Variants in SELENOO observed in about 807,000 individuals in gnomAD.
The protein encoded by SELENOO is selenoprotein O.
SELENOO carries 74 observed loss-of-function variants against 58.7 expected under a neutral mutation model. That is an observed-to-expected ratio of 1.26 (90% confidence interval 1.04 to 1.53). The LOEUF is 1.53. Ranked by LOEUF, SELENOO falls within the 40% of genes most tolerant of loss-of-function variation. SELENOO has a pLI of 0.00. For missense variants in SELENOO, 1,149 were observed against 970.0 expected (o/e 1.18, Z -2.45); for synonymous variants, 543 against 453.2 (o/e 1.20, Z -2.52).
Position 50,210,201 on chromosome 22 carries a change from G to A in SELENOO, c.960G>A (p.Arg320=). 1 of 1,613,428 alleles carries A rather than the reference G, an allele frequency of 6.2e-7. No individual in the cohort carries two copies. Among genetic ancestry groups the A allele is most frequent in the Non-Finnish European group, 8.5e-7 (1 of 1,179,960 alleles). The change falls in exon 4 of 9, where the codon CGG becomes CGA. Residue 320 remains arginine, a synonymous_variant. Transcript: ENST00000380903. ...FFREVTRRTA[R]MVAEWQCVGF... ...CCCAGGTGACGCGGCGCACGGCGCG[G>A]ATGGTGGCCGAGTGGCAGTGTGTGG...
chr22:50,201,655 C>G, intron 1 of SELENOO, 65 bp downstream of exon 1: 1 of 1,161,454 alleles, frequency 8.6e-7, no homozygotes, highest in Non-Finnish European at 1.1e-6. Context: ...TCCCTCCGCC[C>G]GGCGCGGTGT....
intron 2 of SELENOO, among the ~76,000 whole-genome samples, 157 bp downstream of exon 2, chr22:50,206,677 C>G (rs573359632): frequency 8.5e-5 from 13 of 152,346 alleles, no homozygotes; most frequent in Non-Finnish European, 1.8e-4. Context: ...CAGAAGCTGC[C>G]TGTCCGCGAA....
intron 2 of SELENOO, among the ~76,000 whole-genome samples, 183 bp downstream of exon 2, chr22:50,206,703 C>T (rs2064335347): frequency 6.6e-6 from 1 of 152,222 alleles, no homozygotes; most frequent in South Asian, 2.1e-4. Context: ...TGCGTCACGC[C>T]CACTGGGAGG....
At chr22:50,210,051 T>G in intron 3 of SELENOO, 130 bp from the exon 4 acceptor site, 1 of 1,088,300 alleles carries the variant, frequency 9.2e-7, no homozygotes, top group Non-Finnish European at 1.3e-6. Context: ...ATCAGGAAGA[T>G]CGCCCAGAAA....
Position 50,210,171 on chromosome 22 carries a change from C to T in SELENOO, c.940-10C>T, listed in dbSNP as rs1414216281. 13 of 1,612,012 alleles carry T rather than the reference C, an allele frequency of 8.1e-6. No homozygotes were observed. The African/African-American group carries it at 1.1e-4, about 13-fold the overall frequency. ...CCCGAGGAGGGAGCAAGCACACTGT[C>T]CCACCCCAGGTGACGCGGCGCACGG... On this transcript the variant is annotated splice_polypyrimidine_tract_variant and intron_variant, in intron 3 of 8. Coordinates refer to ENST00000380903, the MANE Select transcript of SELENOO (RefSeq NM_031454.2).
chr22:50,208,442 A>AT (rs2064346496), intron 2 of SELENOO, 94 bp from the exon 3 acceptor site: 3 of 1,245,450 alleles, frequency 2.4e-6, no homozygotes, highest in Non-Finnish European at 3.3e-6. Context: ...AAAAAAAAAA[A>AT]AAAATAGCCA....
At chr22:50,215,598 A>T in intron 5 of SELENOO, 119 bp from the exon 6 acceptor site, 1 of 645,116 alleles carries the variant, frequency 1.6e-6, no homozygotes, top group Non-Finnish European at 2.4e-6. Flanking sequence ...GTGGTGGAGC[A>T]TGTGGGTGGG....
At chr22:50,210,043 C>T (rs1002852824) in intron 3 of SELENOO, 138 bp from the exon 4 acceptor site, 2 of 1,000,086 alleles carry the variant, frequency 2.0e-6, no homozygotes, top group African/African-American at 1.6e-5. Context: ...GACAGGACAT[C>T]AGGAAGATCG....
rs776782428 is a variant in SELENOO at position 50,215,722 on chromosome 22, G to A, written c.1357G>A (p.Asp453Asn). 53 of 1,590,446 alleles carry A rather than the reference G, an allele frequency of 3.3e-5. No homozygotes were observed. Among genetic ancestry groups the A allele is most frequent in the South Asian group, 1.4e-4 (13 of 90,196 alleles). Residue 453 changes from aspartate to asparagine, a missense_variant, in exon 6 of 9, where the codon GAC (aspartate) becomes AAC (asparagine). Coordinates refer to ENST00000380903, the MANE Select transcript of SELENOO (RefSeq NM_031454.2). ...CTGAGCAGCCTGTGTTCCAGGTGCCGACTTCACAAACACCTTCTACTTGCT... is the reference window on the plus strand; with the variant it reads ...CTGAGCAGCCTGTGTTCCAGGTGCCAACTTCACAAACACCTTCTACTTGCT... ...LLETMHLTGA[D>N]FTNTFYLLSS... is the part of the protein sequence containing the mutation.
chr22:50,211,290 G>A (rs1029472702), intron 5 of SELENOO, among the ~76,000 whole-genome samples: 5 of 152,170 alleles, frequency 3.3e-5, no homozygotes, highest in Admixed American at 6.5e-5. Flanking sequence ...ACGGTGCACT[G>A]TGTGTTGTGT....
In SELENOO at chr22:50,208,299, G is replaced by A. The variant is rs186123742; in HGVS notation, c.759-237G>A. 5.3e-3 allele frequency among the ~76,000 whole-genome samples: 800 copies of A among 152,078 alleles called. 7 individuals are homozygous for A. Among genetic ancestry groups the A allele is most frequent in the African/African-American group, 0.014 (581 of 41,482 alleles). ...ACAAAAATTAGCTGGGCGTGGTGGC[G>A]TGTGCCTGTAATCCCAGCTACTCGG... On this transcript the variant is annotated intron_variant, in intron 2 of 8. Coordinates refer to ENST00000380903, the MANE Select transcript of SELENOO (RefSeq NM_031454.2).
intron 2 of SELENOO, among the ~76,000 whole-genome samples, chr22:50,206,905 G>T (rs568645573): frequency 2.1e-4 from 32 of 152,246 alleles, no homozygotes; most frequent in East Asian, 5.8e-4. Context: ...GGGGGAGGGG[G>T]TCCCTGAGCC....
At chr22:50,209,506 C>A (rs962955356) in intron 3 of SELENOO, 1 of 152,648 alleles carries the variant, frequency 6.6e-6, no homozygotes, top group Non-Finnish European at 1.5e-5. Flanking sequence ...CGGGAGGAGC[C>A]GCTGGGGCAG....
At chr22:50,204,988 CAG>C (rs772223112) in intron 1 of SELENOO, among the ~76,000 whole-genome samples, 3 of 152,212 alleles carry the variant, frequency 2.0e-5, no homozygotes, top group Non-Finnish European at 4.4e-5. Flanking sequence ...AAGCTGGTCA[CAG>C]AGAGACAAAT....
intron 6 of SELENOO, 144 bp downstream of exon 6, chr22:50,216,011 T>A: frequency 1.5e-6 from 1 of 671,252 alleles, no homozygotes; most frequent in Non-Finnish European, 2.5e-6. Flanking sequence ...CAGTCAGGGC[T>A]TCAGGGCATC....
rs2064432230 is a variant in SELENOO at position 50,217,525 on chromosome 22, C to G, written c.*156C>G. ...GATGGCAGAGACATCCAGTCAGGAC[C>G]TGACCCGTCTCTGTCTGAGGCCGGC... is the stretch of plus-strand genomic sequence containing the variant. On this transcript the variant is annotated 3_prime_UTR_variant, in exon 9 of 9. Transcript: ENST00000380903. The G allele has an allele frequency of 9.3e-7, 1 of 1,077,342 alleles. No homozygotes were observed. The allele number at this position is 1,077,342 out of a possible 1,614,324, so 66.7% of individuals were successfully genotyped here.
chr22:50,201,391 G>T lies in SELENOO; in HGVS notation c.355G>T (p.Glu119Ter). ...GCCGCCCGCGCGCGAGGCCGAGGCC[G>T]AGGCCGCGCTGTTCTTCAGCGGCAA... ...GAPPAREAEA[E>*]AALFFSGNAL... The change falls in exon 1 of 9, where the codon GAG (glutamate) becomes TAG (stop). Residue 119 changes from glutamate to a stop codon, truncating the protein, a stop_gained. Transcript: ENST00000380903. LOFTEE classifies it high-confidence loss of function. 1 of 1,279,162 alleles carries T rather than the reference G, an allele frequency of 7.8e-7. No homozygotes were observed. The highest frequency in any genetic ancestry group is 9.9e-7 in the Non-Finnish European group (1 of 1,010,640). The allele number at this position is 1,279,162 out of a possible 1,614,324, so 79.2% of individuals were successfully genotyped here.
intron 2 of SELENOO, among the ~76,000 whole-genome samples, chr22:50,207,642 A>G (rs776038539): frequency 6.0e-5 from 9 of 150,610 alleles, no homozygotes; most frequent in Non-Finnish European, 1.0e-4. Context: ...CCCAGCGGCA[A>G]TGCTGGCATT....
intron 1 of SELENOO, among the ~76,000 whole-genome samples, chr22:50,203,534 G>A (rs979181601): frequency 2.6e-5 from 4 of 152,244 alleles, no homozygotes; most frequent in African/African-American, 9.6e-5. Flanking sequence ...ACATAGACCA[G>A]TGGGATGGAA....
Sources: gnomAD v4.1 joint callset for allele counts (sites outside exome capture counted in the v4.1 genomes callset) on GRCh38, gnomAD v4.1.1 for gene constraint, MANE v1.5 for transcripts, NCBI Gene and HGNC (gene_info 2026-07-23, HGNC 2026-07-21) for gene names.